CALD1: variants seen among roughly 807,000 people sequenced by gnomAD.
The protein encoded by CALD1 is caldesmon 1.
In CALD1, 33 loss-of-function variants were observed where a neutral mutation model predicts 99.9. The observed-to-expected ratio is 0.33, with a 90% confidence interval of 0.25 to 0.44. The LOEUF is 0.44. Ranked by LOEUF, CALD1 falls within the 20% of genes least tolerant of loss-of-function variation. The pLI, the probability that CALD1 is intolerant of heterozygous loss-of-function variation, is 1.00. For synonymous variants in CALD1, 310 were observed against 325.0 expected, an observed-to-expected ratio of 0.95 and a Z score of 0.50; for missense variants, 861 against 962.1, an observed-to-expected ratio of 0.89 and a Z score of 1.39.
At chr7:134,778,687 C>T (rs140798816), upstream of CALD1, among the ~76,000 whole-genome samples, 326 of 152,278 alleles carry the variant, frequency 2.1e-3, 3 homozygotes, top group African/African-American at 7.3e-3. Context: ...AAGAGTTGGT[C>T]GGAGCACTTT....
chr7:134,947,946 C>T, intron 8 of CALD1, 177 bp downstream of exon 8: 2 of 695,852 alleles, frequency 2.9e-6, no homozygotes, highest in Non-Finnish European at 4.7e-6. Context: ...CTTCTAAGAA[C>T]TCGCTGACCT....
chr7:134,745,830 T>A (rs73444070), intron 1 of CALD1, among the ~76,000 whole-genome samples: 3,127 of 152,346 alleles, frequency 0.021, 102 homozygotes, highest in African/African-American at 0.068. Flanking sequence ...CAAGGTATGA[T>A]GTGGCCTTAA....
chr7:134,870,620 A>G (rs1433058487), intron 3 of CALD1, among the ~76,000 whole-genome samples: 3 of 152,118 alleles, frequency 2.0e-5, no homozygotes, highest in Non-Finnish European at 4.4e-5. Context: ...TGTTTAATTT[A>G]TATTTCTGTC....
intron 2 of CALD1, among the ~76,000 whole-genome samples, chr7:134,855,952 T>C (rs1013033689): frequency 1.1e-4 from 16 of 152,234 alleles, no homozygotes; most frequent in South Asian, 6.2e-4. Flanking sequence ...TTTGTAGATA[T>C]TGTCAGAAGT....
chr7:134,923,115 C>G (rs1302664055), intron 3 of CALD1, among the ~76,000 whole-genome samples: 1 of 152,192 alleles, frequency 6.6e-6, no homozygotes, highest in Non-Finnish European at 1.5e-5. Context: ...TTCTCTTTCT[C>G]CAAAATATCC....
chr7:134,835,420 CT>C (rs534963593), intron 1 of CALD1, among the ~76,000 whole-genome samples: 19 of 152,260 alleles, frequency 1.2e-4, no homozygotes, highest in African/African-American at 4.3e-4. Context: ...TGTTATTTTG[CT>C]TTGTTTTTTG....
At chr7:134,916,662 G>T (rs1804228798) in intron 3 of CALD1, among the ~76,000 whole-genome samples, 1 of 152,176 alleles carries the variant, frequency 6.6e-6, no homozygotes, top group South Asian at 2.1e-4. Flanking sequence ...TCCCTTGCAG[G>T]GATCCCCTTT....
intron 6 of CALD1, among the ~76,000 whole-genome samples, chr7:134,938,139 G>A (rs550328662): frequency 3.9e-5 from 6 of 152,254 alleles, no homozygotes; most frequent in East Asian, 1.9e-4. Context: ...CAGTAGTAGC[G>A]AGGAGTCTAG....
intron 1 of CALD1, among the ~76,000 whole-genome samples, chr7:134,780,557 C>T (rs1477534556): frequency 6.6e-6 from 1 of 152,044 alleles, no homozygotes; most frequent in Non-Finnish European, 1.5e-5. Flanking sequence ...CAATGTGTTT[C>T]AGAAAGGAAG....
intron 3 of CALD1, chr7:134,891,607 TC>T: frequency 6.2e-7 from 1 of 1,606,468 alleles, no homozygotes; most frequent in Non-Finnish European, 8.5e-7. Flanking sequence ...CGCCGCCCCT[TC>T]CCAACTGCGG....
At chr7:134,763,747 G>A (rs1313146549) in intron 1 of CALD1, among the ~76,000 whole-genome samples, 9 of 151,762 alleles carry the variant, frequency 5.9e-5, no homozygotes, top group Non-Finnish European at 1.0e-4. Context: ...GTGAAACCCC[G>A]TCTCTACTAA....
At chr7:134,735,732 T>C in the CALD1 span, among the ~76,000 whole-genome samples, 2 of 152,156 alleles carry the variant, frequency 1.3e-5, no homozygotes, top group African/African-American at 2.4e-5. Flanking sequence ...GTAAGGGCAA[T>C]TGACATTCAA....
At chr7:134,925,586 C>T (rs575415040) in intron 3 of CALD1, among the ~76,000 whole-genome samples, 1 of 152,218 alleles carries the variant, frequency 6.6e-6, no homozygotes, top group East Asian at 1.9e-4. Context: ...TACAAAGCAG[C>T]AGAAGAGAGA....
intron 2 of CALD1, among the ~76,000 whole-genome samples, chr7:134,861,073 G>C (rs1185633687): frequency 6.6e-6 from 1 of 152,200 alleles, no homozygotes; most frequent in Non-Finnish European, 1.5e-5. Flanking sequence ...ATTTATGTCT[G>C]GGAAGGAGGA....
Position 134,760,656 on chromosome 7 carries a change from T to C in CALD1, c.-130+16293T>C, listed in dbSNP as rs989003653. Reference sequence around the variant, plus strand: ...TGATATATAAAACAGTGCATTTACATAAATTAAAGATGTATGCATATGAAG... The same window carrying C: ...TGATATATAAAACAGTGCATTTACACAAATTAAAGATGTATGCATATGAAG... On this transcript the variant is annotated intron_variant, in intron 1 of 13. Coordinates refer to the CALD1 transcript ENST00000417172. Among the ~76,000 whole-genome samples the C allele has an allele frequency of 2.0e-5, 3 of 152,174 alleles. No individual in the cohort carries two copies. In the South Asian group the frequency reaches 6.2e-4, roughly 32 times the overall value.
chr7:134,857,255 G>C (rs947429159), intron 2 of CALD1, among the ~76,000 whole-genome samples: 1 of 132,966 alleles, frequency 7.5e-6, no homozygotes, highest in African/African-American at 2.8e-5. Flanking sequence ...TGCAAGCTCC[G>C]CCTCCCGGGT....
chr7:134,799,368 T>G (rs1329684786), intron 1 of CALD1, among the ~76,000 whole-genome samples: 1 of 152,212 alleles, frequency 6.6e-6, no homozygotes, highest in Non-Finnish European at 1.5e-5. Context: ...AAGGAATGGT[T>G]GAACTAACTC....
intron 3 of CALD1, among the ~76,000 whole-genome samples, chr7:134,872,640 T>G (rs62479551): frequency 0.085 from 12,953 of 152,200 alleles, 672 homozygotes; most frequent in South Asian, 0.25. Flanking sequence ...TAAGCTCCTA[T>G]TCTAAGGGTA....
intron 1 of CALD1, among the ~76,000 whole-genome samples, chr7:134,792,721 C>A (rs1376664383): frequency 2.0e-5 from 3 of 152,172 alleles, no homozygotes; most frequent in African/African-American, 7.2e-5. Context: ...GGGGTTAGGA[C>A]TGCTTCAACA....
Sources: allele counts gnomAD v4.1 joint callset (sites outside exome capture counted in the v4.1 genomes callset), GRCh38; gene constraint gnomAD v4.1.1; transcripts MANE v1.5; gene names NCBI Gene and HGNC (gene_info 2026-07-23, HGNC 2026-07-21).